Variants in PATJ observed in about 807,000 individuals in gnomAD.
The protein encoded by PATJ is inaD-like protein.
In PATJ, 190 loss-of-function variants were observed where a neutral mutation model predicts 224.9. The ratio of observed to expected loss-of-function variants is 0.84; its 90% CI spans 0.75 to 0.95. The LOEUF is 0.95. Ranked by LOEUF, PATJ falls within the 40% of genes least tolerant of loss-of-function variation. The pLI is 0.00. For missense variants in PATJ, 2,121 were observed against 2,270.3 expected (o/e 0.93, Z 1.34); for synonymous variants, 769 against 820.3 (o/e 0.94, Z 1.07).
intron 1 of PATJ, among the ~76,000 whole-genome samples, chr1:61,751,910 G>C (rs1281601548): frequency 1.3e-5 from 2 of 151,986 alleles, no homozygotes; most frequent in African/African-American, 4.8e-5. Context: ...AGGCCGAGGC[G>C]GGTGGATCAC....
At chr1:62,120,657 A>G (rs1343551319) in intron 37 of PATJ, among the ~76,000 whole-genome samples, 1 of 152,208 alleles carries the variant, frequency 6.6e-6, no homozygotes, top group Non-Finnish European at 1.5e-5. Context: ...AAAATGTTAT[A>G]TATCCCTAAA....
intron 16 of PATJ, among the ~76,000 whole-genome samples, chr1:61,831,964 T>C (rs1044939521): frequency 2.6e-5 from 4 of 152,148 alleles, no homozygotes; most frequent in African/African-American, 7.2e-5. Context: ...GAAAATGTGG[T>C]ACATAGACAC....
chr1:62,064,571 A>G (rs955825941), intron 31 of PATJ, among the ~76,000 whole-genome samples: 2 of 152,186 alleles, frequency 1.3e-5, no homozygotes, highest in South Asian at 2.1e-4. Flanking sequence ...GGCTCAAGTG[A>G]TCTGCCCTCC....
At chr1:61,852,910 C>T (rs145566362) in intron 17 of PATJ, among the ~76,000 whole-genome samples, 14 of 152,220 alleles carry the variant, frequency 9.2e-5, no homozygotes, top group African/African-American at 2.6e-4. Context: ...CATTCAGCTA[C>T]GTGGGAAATC....
chr1:61,760,609 TTTTC>T (rs932353152), intron 1 of PATJ, among the ~76,000 whole-genome samples: 4 of 141,818 alleles, frequency 2.8e-5, no homozygotes, highest in Admixed American at 1.4e-4. Context: ...TTTCTTTTCT[TTTTC>T]TTTTTCTTTT....
chr1:61,922,653 A>G (rs1413675717), intron 26 of PATJ, among the ~76,000 whole-genome samples: 1 of 149,578 alleles, frequency 6.7e-6, no homozygotes, highest in Non-Finnish European at 1.5e-5. Context: ...CTTCAGTCAC[A>G]TGTCACAAAA....
At chr1:61,909,909 T>C (rs1287048800) in intron 25 of PATJ, among the ~76,000 whole-genome samples, 2 of 152,234 alleles carry the variant, frequency 1.3e-5, no homozygotes, top group East Asian at 3.9e-4. Context: ...TTGGCACCTC[T>C]GCTGTGTCAC....
intron 34 of PATJ, 57 bp downstream of exon 34, chr1:62,108,577 G>A (rs372450531): frequency 3.4e-5 from 35 of 1,029,842 alleles, no homozygotes; most frequent in Admixed American, 1.7e-4. Context: ...TGCTGGTCTC[G>A]ATCCATAAAG....
chr1:61,783,431 T>C (rs1647782558), intron 7 of PATJ, among the ~76,000 whole-genome samples: 1 of 149,102 alleles, frequency 6.7e-6, no homozygotes, highest in Non-Finnish European at 1.5e-5. Flanking sequence ...TTCTTTTTTT[T>C]TTTTTTTTTT....
chr1:61,980,803 C>A (rs973285263), intron 27 of PATJ, among the ~76,000 whole-genome samples: 3 of 152,080 alleles, frequency 2.0e-5, no homozygotes, highest in Non-Finnish European at 2.9e-5. Context: ...CTGACTCAGC[C>A]ATGCACAGGA....
intron 14 of PATJ, among the ~76,000 whole-genome samples, chr1:61,812,427 AGAGAGAGTGTGT>A (rs1216708325): frequency 2.7e-5 from 3 of 113,068 alleles, no homozygotes; most frequent in Non-Finnish European, 4.0e-5. Flanking sequence ...AGAGAGAGAG[AGAGAGAGTGTGT>A]GTGTGTGTGT....
intron 34 of PATJ, among the ~76,000 whole-genome samples, chr1:62,113,456 G>A (rs1208882433): frequency 6.6e-6 from 1 of 152,134 alleles, no homozygotes; most frequent in Non-Finnish European, 1.5e-5. Flanking sequence ...GGGCAATATG[G>A]CAAGACCTCA....
At chr1:61,968,895 A>G (rs1382074226) in intron 27 of PATJ, among the ~76,000 whole-genome samples, 2 of 152,210 alleles carry the variant, frequency 1.3e-5, no homozygotes, top group Admixed American at 6.5e-5. Context: ...CCCCATCCCT[A>G]GTACCTGGCA....
chr1:61,834,058 A>G (rs1010988833), intron 17 of PATJ, among the ~76,000 whole-genome samples: 4 of 152,162 alleles, frequency 2.6e-5, no homozygotes, highest in Admixed American at 6.5e-5. Context: ...GTTTATATGG[A>G]GGACTTTTGT....
At chr1:61,919,458 C>G (rs993890038) in intron 26 of PATJ, among the ~76,000 whole-genome samples, 1 of 150,958 alleles carries the variant, frequency 6.6e-6, no homozygotes, top group African/African-American at 2.4e-5. Flanking sequence ...CGCGCACCAC[C>G]ACGCCCAGCT....
At chr1:61,847,624 G>A (rs1250031704) in intron 17 of PATJ, among the ~76,000 whole-genome samples, 1 of 152,200 alleles carries the variant, frequency 6.6e-6, no homozygotes, top group African/African-American at 2.4e-5. Flanking sequence ...AGTTAAAAAT[G>A]GAGTTAGATG....
intron 24 of PATJ, among the ~76,000 whole-genome samples, chr1:61,905,104 G>A (rs1203477100): frequency 2.6e-5 from 4 of 151,996 alleles, no homozygotes; most frequent in Non-Finnish European, 5.9e-5. Context: ...GGTGTCTTTG[G>A]AAATTCAGGC....
At chr1:62,046,841 G>A (rs1037839544) in intron 30 of PATJ, among the ~76,000 whole-genome samples, 2 of 152,178 alleles carry the variant, frequency 1.3e-5, no homozygotes, top group Non-Finnish European at 2.9e-5. Context: ...CTAAGTGTGG[G>A]ATGTGGTGTA....
rs868173859 is a variant in PATJ, at chr1:61,911,728, G to A, written c.3493-2859G>A. The stretch of plus-strand genomic sequence containing the variant: ...ATATATATATATATATCATATATAT[G>A]ACAAGTCAGATAGTTTCTGACTTGT... On this transcript the variant is annotated intron_variant, in intron 25 of 43. Coordinates refer to ENST00000642238, the MANE Select transcript of PATJ (RefSeq NM_001350145.3). Among the ~76,000 whole-genome samples, 64 of 137,314 alleles carry A rather than the reference G, an allele frequency of 4.7e-4. 1 individual carries two copies. Among genetic ancestry groups the A allele is most frequent in the South Asian group, 4.5e-4 (2 of 4,458 alleles). The allele number at this position is 137,314 out of a possible 152,430, so 90.1% of individuals were successfully genotyped here.
Sources: gnomAD v4.1 joint callset for allele counts (sites outside exome capture counted in the v4.1 genomes callset) on GRCh38, gnomAD v4.1.1 for gene constraint, MANE v1.5 for transcripts, NCBI Gene and HGNC (gene_info 2026-07-23, HGNC 2026-07-21) for gene names.